The following DNAH8 variants were observed in gnomAD, a reference collection of about 807,000 sequenced individuals.
DNAH8 encodes the protein axonemal beta dynein heavy chain 8.
Under a neutral mutation model 562.1 loss-of-function variants are expected in DNAH8, and 382 were observed. That is an observed-to-expected ratio of 0.68 (90% confidence interval 0.63 to 0.74). The LOEUF (loss-of-function observed/expected upper bound fraction) is 0.74. Among genes scored for constraint, DNAH8 ranks in the 30% least tolerant of loss-of-function variants. The probability of loss-of-function intolerance (pLI) is 0.00; values close to 1 mark genes in which losing one functional copy is unlikely to be tolerated. For missense variants in DNAH8, 5,203 were observed against 5,620.4 expected (o/e 0.93, Z 2.37); for synonymous variants, 1,881 against 1,919.4 (o/e 0.98, Z 0.52).
intron 11 of DNAH8, among the ~76,000 whole-genome samples, chr6:38,766,921 T>A (rs542995218): frequency 3.9e-5 from 6 of 152,298 alleles, no homozygotes; most frequent in Non-Finnish European, 8.8e-5. Flanking sequence ...CTGTTAAGCA[T>A]CTAGGATCGA....
At chr6:38,842,588 A>G (rs1207143628) in intron 34 of DNAH8, 75 bp from the exon 35 acceptor site, 2 of 1,580,358 alleles carry the variant, frequency 1.3e-6, no homozygotes, top group African/African-American at 2.7e-5. Flanking sequence ...TCCCTAATAT[A>G]ATAGTGTATA....
intron 32 of DNAH8, 89 bp from the exon 33 acceptor site, chr6:38,837,853 A>T: frequency 1.1e-6 from 1 of 927,788 alleles, no homozygotes; most frequent in Non-Finnish European, 1.7e-6. Flanking sequence ...ATAAACCTCA[A>T]CCTAGCTTTT....
chr6:38,844,781 C>A (rs1738189), intron 35 of DNAH8, among the ~76,000 whole-genome samples: 26,174 of 152,092 alleles, frequency 0.17, 2,531 homozygotes, highest in East Asian at 0.29. Flanking sequence ...GAAGGCTTCC[C>A]TTCAGTACAG....
chr6:39,028,190 C>A (rs563075194), intron 92 of DNAH8, among the ~76,000 whole-genome samples: 2 of 152,194 alleles, frequency 1.3e-5, no homozygotes, highest in Non-Finnish European at 2.9e-5. Flanking sequence ...GAATACCTTC[C>A]ACATCTGTAG....
At chr6:38,889,347 C>T (rs2150482843) in intron 57 of DNAH8, among the ~76,000 whole-genome samples, 1 of 151,728 alleles carries the variant, frequency 6.6e-6, no homozygotes, top group Non-Finnish European at 1.5e-5. Context: ...GTTCAAAAAC[C>T]TAAGTGGTGA....
At chr6:38,816,428 TA>T (rs1772280871) in intron 26 of DNAH8, among the ~76,000 whole-genome samples, 1 of 152,230 alleles carries the variant, frequency 6.6e-6, no homozygotes, top group Non-Finnish European at 1.5e-5. Flanking sequence ...ATTCTTTTTT[TA>T]TGGCTGCATA....
chr6:38,956,757 A>G (rs1273674234), intron 82 of DNAH8, among the ~76,000 whole-genome samples: 2 of 152,248 alleles, frequency 1.3e-5, no homozygotes, highest in African/African-American at 4.8e-5. Flanking sequence ...GTAACCACAA[A>G]GCAAAAACCT....
chr6:38,782,840 G>A (rs1280022147), intron 16 of DNAH8, among the ~76,000 whole-genome samples, 164 bp from the exon 17 acceptor site: 1 of 152,068 alleles, frequency 6.6e-6, no homozygotes, highest in African/African-American at 2.4e-5. Context: ...CCCTACTTCT[G>A]CTTCTTGCTG....
At chr6:38,935,387 A>G (rs549949283) in intron 76 of DNAH8, among the ~76,000 whole-genome samples, 2 of 152,316 alleles carry the variant, frequency 1.3e-5, no homozygotes, top group Admixed American at 6.5e-5. Context: ...TGGAACCTTA[A>G]TGACAGTAGG....
rs747567305 is a variant in DNAH8, at chr6:38,911,588, T to C, written c.9859+2T>C. On this transcript the variant is annotated splice_donor_variant, in intron 66 of 92. Coordinates refer to ENST00000327475, the MANE Select transcript of DNAH8 (RefSeq NM_001206927.2). LOFTEE classifies it high-confidence loss of function. ...AACAGGCTGAACGTATGAATATTGG[T>C]AAGAGGAATGGAATGGAATGGGATG... 1 of 1,567,946 alleles carries C rather than the reference T, an allele frequency of 6.4e-7. No individual in the cohort carries two copies. Among genetic ancestry groups the C allele is most frequent in the Non-Finnish European group, 8.8e-7 (1 of 1,138,260 alleles).
chr6:38,919,698 TG>T (rs995177334), intron 70 of DNAH8, among the ~76,000 whole-genome samples: 1 of 152,184 alleles, frequency 6.6e-6, no homozygotes, highest in Non-Finnish European at 1.5e-5. Flanking sequence ...TCTCATTCTC[TG>T]AGTATAAGCA....
chr6:38,739,983 A>G (rs1268018616), intron 7 of DNAH8, among the ~76,000 whole-genome samples: 1 of 152,200 alleles, frequency 6.6e-6, no homozygotes, highest in Non-Finnish European at 1.5e-5. Flanking sequence ...ATTGTTTAAT[A>G]GTCCATTTTT....
chr6:38,728,896 G>C (rs1415686366), intron 3 of DNAH8, among the ~76,000 whole-genome samples: 1 of 152,164 alleles, frequency 6.6e-6, no homozygotes, highest in Non-Finnish European at 1.5e-5. Context: ...ACTTCCGCTA[G>C]GCAGTCAGTA....
In DNAH8 at chr6:39,028,378, G is replaced by C. The variant is rs372943389; in HGVS notation, c.13836+1711G>C. 1.9e-4 allele frequency among the ~76,000 whole-genome samples: 29 copies of C among 152,290 alleles called. No homozygotes were observed. The South Asian group carries it at 6.0e-3, about 32-fold the overall frequency. Reference sequence around the variant, plus strand: ...GGTTGGTTTCTACTGGAGGCCCCAAGGGAAAATCTTGTTCTAAGCTTCTCT... The same window carrying C: ...GGTTGGTTTCTACTGGAGGCCCCAACGGAAAATCTTGTTCTAAGCTTCTCT... On this transcript the variant is annotated intron_variant, in intron 92 of 92. Coordinates refer to ENST00000327475, the MANE Select transcript of DNAH8 (RefSeq NM_001206927.2).
At chr6:38,882,756 C>CAT (rs1778599380) in intron 53 of DNAH8, among the ~76,000 whole-genome samples, 154 bp from the exon 54 acceptor site, 2 of 152,200 alleles carry the variant, frequency 1.3e-5, no homozygotes, top group African/African-American at 4.8e-5. Flanking sequence ...ATGCTGTAGA[C>CAT]ATAAGATAAG....
intron 82 of DNAH8, among the ~76,000 whole-genome samples, chr6:38,967,507 A>G (rs943365997): frequency 1.3e-5 from 2 of 152,210 alleles, no homozygotes; most frequent in East Asian, 3.8e-4. Context: ...CAAAAATGAA[A>G]TCATAAACAC....
chr6:38,988,546 T>C lies in DNAH8; in HGVS notation c.13054-1466T>C, dbSNP rs1264951902. On this transcript the variant is annotated intron_variant, in intron 87 of 92. Coordinates refer to ENST00000327475, the MANE Select transcript of DNAH8 (RefSeq NM_001206927.2). Reference sequence around the variant, plus strand: ...ACCATGCTCATAACACTATTCTCTTTAATAACTTTCAACTACTCTCCATTT... The same window carrying C: ...ACCATGCTCATAACACTATTCTCTTCAATAACTTTCAACTACTCTCCATTT... 3.9e-5 allele frequency among the ~76,000 whole-genome samples: 6 copies of C among 152,190 alleles called. No individual in the cohort carries two copies. In the East Asian group the frequency reaches 1.2e-3, roughly 29 times the overall value.
At chr6:38,927,054 T>C (rs1262577561) in intron 74 of DNAH8, among the ~76,000 whole-genome samples, 1 of 152,240 alleles carries the variant, frequency 6.6e-6, no homozygotes, top group Non-Finnish European at 1.5e-5. Context: ...TATTCATCTT[T>C]ACATGTTCTG....
chr6:38,993,534 C>T (rs1452483663), intron 88 of DNAH8, among the ~76,000 whole-genome samples: 2 of 152,142 alleles, frequency 1.3e-5, no homozygotes, highest in Admixed American at 6.5e-5. Context: ...AGAGAAGTCT[C>T]AGACCCTTTC....
Sources: gnomAD v4.1 joint callset for allele counts (sites outside exome capture counted in the v4.1 genomes callset) on GRCh38, gnomAD v4.1.1 for gene constraint, MANE v1.5 for transcripts, NCBI Gene and HGNC (gene_info 2026-07-23, HGNC 2026-07-21) for gene names.